The following SUCLG2 variants were observed in gnomAD, a reference collection of about 807,000 sequenced individuals.
SUCLG2 encodes the protein succinate--CoA ligase [GDP-forming] subunit beta, mitochondrial.
SUCLG2 carries 42 observed loss-of-function variants against 47.9 expected under a neutral mutation model. That is an observed-to-expected ratio of 0.88 (90% CI 0.69 to 1.14). The LOEUF (loss-of-function observed/expected upper bound fraction) is 1.14, where lower values mean the gene tolerates loss of function less well. Among genes scored for constraint, SUCLG2 ranks in the 50% most tolerant of loss-of-function variants. SUCLG2 has a pLI of 0.00. For synonymous variants in SUCLG2, 195 were observed against 197.3 expected (o/e 0.99, Z 0.10); for missense variants, 571 against 525.9 (o/e 1.09, Z -0.84).
intron 2 of SUCLG2, among the ~76,000 whole-genome samples, chr3:67,600,350 A>G (rs1312376870): frequency 1.3e-5 from 2 of 152,248 alleles, no homozygotes; most frequent in Non-Finnish European, 2.9e-5. Context: ...AAAAGAAGAA[A>G]AAAAGAAAGA....
At chr3:67,405,483 C>A (rs1702781938) in intron 9 of SUCLG2, among the ~76,000 whole-genome samples, 1 of 152,150 alleles carries the variant, frequency 6.6e-6, no homozygotes, top group South Asian at 2.1e-4. Flanking sequence ...ATTAGGGATT[C>A]CTCAGTCAGG....
chr3:67,400,950 CG>C (rs1174735955), intron 9 of SUCLG2, 99 bp from the exon 10 acceptor site: 12 of 1,523,736 alleles, frequency 7.9e-6, no homozygotes, highest in Admixed American at 2.3e-5. Context: ...TAAGACTGCT[CG>C]TTTTTTTGTT....
At chr3:67,362,009 G>A (rs1387677660) in intron 10 of SUCLG2, among the ~76,000 whole-genome samples, 1 of 152,146 alleles carries the variant, frequency 6.6e-6, no homozygotes, top group African/African-American at 2.4e-5. Flanking sequence ...CCAGACATGT[G>A]AATAAGCCAA....
chr3:67,508,657 G>A lies in SUCLG2; in HGVS notation c.757+150C>T. ...AACCTAAGTGCTGAAATGTTCAACTGCATCATGGGAGCATTTCAAACTATG... is the reference window on the plus strand; with the variant it reads ...AACCTAAGTGCTGAAATGTTCAACTACATCATGGGAGCATTTCAAACTATG... On this transcript the variant is annotated intron_variant, in intron 7 of 10. Coordinates refer to ENST00000307227, the MANE Select transcript of SUCLG2 (RefSeq NM_003848.4). 4 of 633,036 alleles carry A rather than the reference G, an allele frequency of 6.3e-6. 1 individual carries two copies. The South Asian group carries it at 6.5e-5, about 10-fold the overall frequency. 39.2% of individuals were successfully genotyped at this position (633,036 alleles called of 1,614,324 possible).
intron 9 of SUCLG2, among the ~76,000 whole-genome samples, chr3:67,446,574 C>T (rs1391109613): frequency 6.6e-6 from 1 of 150,884 alleles, no homozygotes; most frequent in African/African-American, 2.4e-5. Flanking sequence ...GGACTACAGG[C>T]GCCTGCCACC....
At chr3:67,382,675 T>C (rs1702183561) in intron 10 of SUCLG2, among the ~76,000 whole-genome samples, 2 of 152,236 alleles carry the variant, frequency 1.3e-5, no homozygotes, top group Non-Finnish European at 2.9e-5. Context: ...CATAAATAAC[T>C]TTTTCGTGGA....
At chr3:67,389,323 T>C (rs1490423617) in intron 10 of SUCLG2, among the ~76,000 whole-genome samples, 4 of 152,044 alleles carry the variant, frequency 2.6e-5, no homozygotes, top group Admixed American at 2.6e-4. Flanking sequence ...GCTGCAACAC[T>C]GGAGAGAGTG....
chr3:67,622,305 A>AT (rs1395448515), intron 1 of SUCLG2, among the ~76,000 whole-genome samples: 1 of 152,234 alleles, frequency 6.6e-6, no homozygotes, highest in Non-Finnish European at 1.5e-5. Flanking sequence ...TAAATAGAAA[A>AT]TAATAATAGT....
chr3:67,636,259 T>C (rs1701007431), intron 1 of SUCLG2, among the ~76,000 whole-genome samples: 1 of 151,800 alleles, frequency 6.6e-6, no homozygotes, highest in Middle Eastern at 3.4e-3. Flanking sequence ...CTGAGAGCTA[T>C]GAAAACACAC....
At chr3:67,518,424 C>T (rs1430824732) in intron 5 of SUCLG2, 88 bp from the exon 6 acceptor site, 2 of 1,222,778 alleles carry the variant, frequency 1.6e-6, no homozygotes, top group East Asian at 5.0e-5. Flanking sequence ...TATTTATTTG[C>T]AAATGAGTAA....
chr3:67,401,575 C>CAAAAAA (rs5849753), intron 9 of SUCLG2, among the ~76,000 whole-genome samples: 1 of 121,666 alleles, frequency 8.2e-6, no homozygotes, highest in Non-Finnish European at 1.7e-5. Context: ...GCATGTGGGC[C>CAAAAAA]AAAAAAAAAA....
intron 1 of SUCLG2, among the ~76,000 whole-genome samples, chr3:67,614,721 A>C (rs1324222603): frequency 1.3e-5 from 2 of 152,046 alleles, no homozygotes; most frequent in Non-Finnish European, 2.9e-5. Flanking sequence ...CACATGTTTC[A>C]AATACTGGGG....
intron 2 of SUCLG2, among the ~76,000 whole-genome samples, chr3:67,561,322 A>G (rs1300151931): frequency 1.3e-5 from 2 of 152,102 alleles, no homozygotes; most frequent in Admixed American, 6.5e-5. Flanking sequence ...GACACAGATG[A>G]GCACCAAGAA....
chr3:67,549,593 T>A (rs2107191628), intron 2 of SUCLG2, among the ~76,000 whole-genome samples: 1 of 152,330 alleles, frequency 6.6e-6, no homozygotes, highest in African/African-American at 2.4e-5. Flanking sequence ...ATAGTTTTGT[T>A]ATAATCTGCG....
At chr3:67,472,440 A>AT (rs1223683259) in intron 9 of SUCLG2, among the ~76,000 whole-genome samples, 1 of 152,192 alleles carries the variant, frequency 6.6e-6, no homozygotes, top group Non-Finnish European at 1.5e-5. Flanking sequence ...TAATTTTTAC[A>AT]TTTTATCACA....
intron 7 of SUCLG2, among the ~76,000 whole-genome samples, chr3:67,503,016 T>C (rs1575739321): frequency 6.6e-6 from 1 of 152,144 alleles, no homozygotes; most frequent in Non-Finnish European, 1.5e-5. Context: ...GGGTAGCAAC[T>C]AAGACCCTCA....
In SUCLG2 at chr3:67,609,444, A is replaced by C; in HGVS notation, c.226+11T>G. ...GGGCAAGTGTATTTCACCCATTATG[A>C]ATCAGCTTACTTAGTCTCTTAGCAG... is the stretch of plus-strand genomic sequence containing the variant. On this transcript the variant is annotated intron_variant, in intron 2 of 10. Transcript: ENST00000307227. 6.2e-7 allele frequency: 1 copy of C among 1,608,734 alleles called. No individual in the cohort carries two copies.
At chr3:67,611,550 A>C (rs1006864166) in intron 1 of SUCLG2, among the ~76,000 whole-genome samples, 1 of 152,226 alleles carries the variant, frequency 6.6e-6, no homozygotes, top group African/African-American at 2.4e-5. Context: ...GAAAACATTA[A>C]ACATTAGCTG....
At chr3:67,645,189 G>A (rs1019363514) in intron 1 of SUCLG2, among the ~76,000 whole-genome samples, 7 of 152,006 alleles carry the variant, frequency 4.6e-5, no homozygotes, top group African/African-American at 1.7e-4. Context: ...GTTTAACTCT[G>A]TAAGTCTCCC....
Sources: gnomAD v4.1 joint callset for allele counts (sites outside exome capture counted in the v4.1 genomes callset) on GRCh38, gnomAD v4.1.1 for gene constraint, MANE v1.5 for transcripts, NCBI Gene and HGNC (gene_info 2026-07-23, HGNC 2026-07-21) for gene names.